The following ASTN2 variants were observed in gnomAD, a reference collection of about 807,000 sequenced individuals.
The protein encoded by ASTN2 is astrotactin-2.
Under a neutral mutation model 139.8 loss-of-function variants are expected in ASTN2, and 54 were observed. The observed-to-expected ratio is 0.39, with a 90% confidence interval of 0.31 to 0.48. The LOEUF is 0.48. Ranked by LOEUF, ASTN2 falls within the 20% of genes least tolerant of loss-of-function variation. ASTN2 has a pLI of 0.95. For synonymous variants in ASTN2, 756 were observed against 719.5 expected (o/e 1.05, Z -0.81); for missense variants, 1,565 against 1,725.1 (o/e 0.91, Z 1.64).
intron 10 of ASTN2, among the ~76,000 whole-genome samples, chr9:116,870,756 G>C (rs1391931888): frequency 1.3e-5 from 2 of 152,104 alleles, no homozygotes; most frequent in African/African-American, 4.8e-5. Context: ...CATTAGGCAG[G>C]GTGGCTGGGA....
At chr9:116,642,819 A>T (rs1188836223) in intron 17 of ASTN2, among the ~76,000 whole-genome samples, 3 of 152,152 alleles carry the variant, frequency 2.0e-5, no homozygotes, top group African/African-American at 7.2e-5. Context: ...CTTGACCTAC[A>T]ATCTTGAAAG....
intron 3 of ASTN2, among the ~76,000 whole-genome samples, chr9:117,146,112 A>G (rs1457386469): frequency 6.6e-6 from 1 of 152,118 alleles, no homozygotes; most frequent in Non-Finnish European, 1.5e-5. Flanking sequence ...TTCATCCTGC[A>G]TACAACTCCC....
chr9:117,094,115 A>C (rs1828775061), intron 5 of ASTN2, among the ~76,000 whole-genome samples: 1 of 101,804 alleles, frequency 9.8e-6, no homozygotes, highest in African/African-American at 3.8e-5. Flanking sequence ...AAGGAGGGAG[A>C]GAGGGAGGGA....
At chr9:116,892,945 A>G (rs1833798913) in intron 10 of ASTN2, among the ~76,000 whole-genome samples, 1 of 152,180 alleles carries the variant, frequency 6.6e-6, no homozygotes. Flanking sequence ...TCAACTGGGT[A>G]CTCAATATTT....
intron 19 of ASTN2, among the ~76,000 whole-genome samples, chr9:116,601,478 A>T (rs1854895887): frequency 6.6e-6 from 1 of 152,128 alleles, no homozygotes; most frequent in Admixed American, 6.6e-5. Context: ...AGGGAGGGAA[A>T]AGTGGCTAAT....
At chr9:117,111,512 C>T (rs1201264481) in intron 4 of ASTN2, among the ~76,000 whole-genome samples, 1 of 151,504 alleles carries the variant, frequency 6.6e-6, no homozygotes, top group Non-Finnish European at 1.5e-5. Flanking sequence ...ACTTTTCCAA[C>T]TCCCCAATCT....
intron 11 of ASTN2, among the ~76,000 whole-genome samples, chr9:116,823,904 T>C (rs1831554433): frequency 6.6e-6 from 1 of 152,200 alleles, no homozygotes; most frequent in African/African-American, 2.4e-5. Context: ...GATCTAGCCA[T>C]CGTTTGAAAT....
intron 20 of ASTN2, among the ~76,000 whole-genome samples, chr9:116,484,661 T>G (rs1849282305): frequency 6.6e-6 from 1 of 152,154 alleles, no homozygotes; most frequent in Non-Finnish European, 1.5e-5. Flanking sequence ...CCCAGGGCCA[T>G]TAACATCATC....
At chr9:116,570,252 TCTGC>T (rs1429622210) in intron 19 of ASTN2, among the ~76,000 whole-genome samples, 1 of 152,228 alleles carries the variant, frequency 6.6e-6, no homozygotes, top group East Asian at 1.9e-4. Flanking sequence ...TAATGTTCAT[TCTGC>T]CCCTTCTTTC....
At chr9:117,271,477 T>C (rs181624413) in intron 2 of ASTN2, among the ~76,000 whole-genome samples, 7 of 152,264 alleles carry the variant, frequency 4.6e-5, no homozygotes, top group Admixed American at 4.6e-4. Context: ...GTCCTTACAT[T>C]TCAAATCCAA....
intron 10 of ASTN2, among the ~76,000 whole-genome samples, chr9:116,882,387 T>A (rs148271071): frequency 2.1e-4 from 32 of 152,292 alleles, no homozygotes; most frequent in African/African-American, 7.0e-4. Flanking sequence ...TGATTAAGTA[T>A]ACTTGTTAAA....
At chr9:116,837,823 G>A (rs368891960) in intron 11 of ASTN2, among the ~76,000 whole-genome samples, 1 of 152,286 alleles carries the variant, frequency 6.6e-6, no homozygotes, top group African/African-American at 2.4e-5. Context: ...TGGGTCCTGG[G>A]TGACATCAGT....
chr9:117,016,614 ATCTATCTATC>A (rs1303332202), intron 6 of ASTN2, among the ~76,000 whole-genome samples: 1,949 of 7,540 alleles, frequency 0.26, 100 homozygotes, highest in South Asian at 0.32. Context: ...CTATATCTAT[ATCTATCTATC>A]TATATATATA....
intron 2 of ASTN2, among the ~76,000 whole-genome samples, chr9:117,225,612 T>C (rs1457683554): frequency 1.5e-5 from 2 of 137,736 alleles, no homozygotes; most frequent in Non-Finnish European, 3.1e-5. Flanking sequence ...AGCTTTGCCC[T>C]CATTCATTGA....
At chr9:116,891,472 G>A (rs891799148) in intron 10 of ASTN2, among the ~76,000 whole-genome samples, 3 of 152,240 alleles carry the variant, frequency 2.0e-5, no homozygotes, top group African/African-American at 7.2e-5. Flanking sequence ...GCATATGCTA[G>A]TTATCTTAGC....
chr9:117,130,171 T>A (rs977318175), intron 4 of ASTN2, among the ~76,000 whole-genome samples: 4 of 152,048 alleles, frequency 2.6e-5, no homozygotes, highest in Admixed American at 6.6e-5. Context: ...TAACTGGGCA[T>A]AGTGGCATGC....
At chr9:117,004,658 C>T (rs1837304358) in intron 7 of ASTN2, among the ~76,000 whole-genome samples, 1 of 152,194 alleles carries the variant, frequency 6.6e-6, no homozygotes, top group African/African-American at 2.4e-5. Flanking sequence ...AGACCTCTGA[C>T]CTCTGCACAG....
chr9:116,528,519 G>A (rs1851190777), intron 19 of ASTN2, among the ~76,000 whole-genome samples: 1 of 152,204 alleles, frequency 6.6e-6, no homozygotes, highest in South Asian at 2.1e-4. Flanking sequence ...GACTGCCCAT[G>A]TGGTAGAAAA....
At chr9:117,137,884 T>C (rs191304531) in intron 4 of ASTN2, among the ~76,000 whole-genome samples, 2 of 152,288 alleles carry the variant, frequency 1.3e-5, no homozygotes, top group Admixed American at 1.3e-4. Context: ...GTTTTGGAAA[T>C]TGCTTTAATA....
Sources: allele counts gnomAD v4.1 joint callset (sites outside exome capture counted in the v4.1 genomes callset), GRCh38; gene constraint gnomAD v4.1.1; transcripts MANE v1.5; gene names NCBI Gene and HGNC (gene_info 2026-07-23, HGNC 2026-07-21).